Variants in MAGI2 observed in about 807,000 individuals in gnomAD.
MAGI2 encodes membrane-associated guanylate kinase, WW and PDZ domain-containing protein 2.
MAGI2 carries 35 observed loss-of-function variants against 133.3 expected under a neutral mutation model. That is an observed-to-expected ratio of 0.26 (90% confidence interval 0.20 to 0.35). The LOEUF (loss-of-function observed/expected upper bound fraction) is 0.35, where lower values mean the gene tolerates loss of function less well. Ranked by LOEUF, MAGI2 falls within the 10% of genes least tolerant of loss-of-function variation. The pLI is 1.00. For missense variants in MAGI2, 1,636 were observed against 1,863.4 expected (o/e 0.88, Z 2.25); for synonymous variants, 729 against 710.6 (o/e 1.03, Z -0.41).
At chr7:78,861,044 A>T (rs1794116552) in intron 2 of MAGI2, among the ~76,000 whole-genome samples, 1 of 152,184 alleles carries the variant, frequency 6.6e-6, no homozygotes, top group Admixed American at 6.5e-5. Context: ...CCTCCAAGCC[A>T]TGCATGGGAT....
intron 1 of MAGI2, among the ~76,000 whole-genome samples, chr7:79,344,965 A>G (rs138148628): frequency 1.3e-5 from 2 of 152,162 alleles, no homozygotes; most frequent in Non-Finnish European, 1.5e-5. Flanking sequence ...CTGGGTAACT[A>G]TGAGAGACAA....
At chr7:78,198,014 C>T (rs920047087) in intron 11 of MAGI2, among the ~76,000 whole-genome samples, 1 of 152,238 alleles carries the variant, frequency 6.6e-6, no homozygotes, top group African/African-American at 2.4e-5. Flanking sequence ...GGGATACTCA[C>T]TGTGTGCTCC....
rs560458894 is a variant in MAGI2, at chr7:79,253,129, A to C, written c.301+199891T>G. On this transcript the variant is annotated intron_variant, in intron 1 of 21. Transcript: ENST00000354212. ...TGTTGGAAGAATAAGTGAAGCATAC[A>C]ATTCGTACAAACTCCAGAAAGTGTC... Among the ~76,000 whole-genome samples, 7 of 152,346 alleles carry C rather than the reference A, an allele frequency of 4.6e-5. No individual in the cohort carries two copies. In the South Asian group the frequency reaches 1.2e-3, roughly 27 times the overall value.
intron 20 of MAGI2, among the ~76,000 whole-genome samples, chr7:78,108,701 C>T (rs976334976): frequency 2.5e-5 from 3 of 120,976 alleles, no homozygotes; most frequent in Non-Finnish European, 6.0e-5. Context: ...TATACACACA[C>T]ATATGTGAGT....
chr7:79,144,707 T>C (rs939525251), intron 1 of MAGI2, among the ~76,000 whole-genome samples: 8 of 152,202 alleles, frequency 5.3e-5, no homozygotes, highest in African/African-American at 1.9e-4. Flanking sequence ...GCATTATTAC[T>C]CTCATTTCCC....
At chr7:79,175,028 T>C (rs1253183235) in intron 1 of MAGI2, among the ~76,000 whole-genome samples, 3 of 151,860 alleles carry the variant, frequency 2.0e-5, no homozygotes, top group African/African-American at 7.3e-5. Flanking sequence ...TTGTCTGAAA[T>C]ATGCACCATA....
intron 2 of MAGI2, among the ~76,000 whole-genome samples, chr7:78,892,774 C>T (rs978919812): frequency 7.6e-4 from 116 of 152,164 alleles, no homozygotes; most frequent in African/African-American, 2.6e-3. Context: ...ACCATAAAAA[C>T]CCTAGAAGAA....
intron 2 of MAGI2, among the ~76,000 whole-genome samples, chr7:78,640,085 C>G (rs1003381383): frequency 6.6e-6 from 1 of 152,090 alleles, no homozygotes; most frequent in Non-Finnish European, 1.5e-5. Context: ...TGAAGGGCAG[C>G]AGGACTCAGT....
intron 1 of MAGI2, among the ~76,000 whole-genome samples, chr7:79,077,827 T>G (rs1417195109): frequency 6.6e-6 from 1 of 152,130 alleles, no homozygotes. Flanking sequence ...TAGTACACTA[T>G]AGTCTAATCA....
intron 2 of MAGI2, among the ~76,000 whole-genome samples, chr7:78,921,472 T>C (rs1176106979): frequency 6.6e-6 from 1 of 152,166 alleles, no homozygotes; most frequent in African/African-American, 2.4e-5. Context: ...CTTCTGTAGA[T>C]TGTGATATAA....
intron 1 of MAGI2, among the ~76,000 whole-genome samples, chr7:79,304,195 G>GTGTGTC (rs1554438887): frequency 9.5e-6 from 1 of 105,196 alleles, no homozygotes; most frequent in Non-Finnish European, 1.9e-5. Context: ...GTGTGTGTGT[G>GTGTGTC]TGTGTGTCTG....
intron 1 of MAGI2, among the ~76,000 whole-genome samples, chr7:79,349,530 A>C (rs1841553492): frequency 2.0e-5 from 3 of 151,686 alleles, no homozygotes; most frequent in African/African-American, 7.3e-5. Context: ...TCCCCACAAC[A>C]CTCTTTGTGG....
chr7:78,939,121 G>A (rs778828788), intron 2 of MAGI2, among the ~76,000 whole-genome samples: 2 of 151,888 alleles, frequency 1.3e-5, no homozygotes, highest in African/African-American at 4.8e-5. Context: ...GGCCTCCCAA[G>A]TAGCTGGAAC....
At chr7:78,656,864 G>C (rs983715882) in intron 2 of MAGI2, among the ~76,000 whole-genome samples, 15 of 151,770 alleles carry the variant, frequency 9.9e-5, no homozygotes, top group African/African-American at 3.6e-4. Flanking sequence ...ACTGTCAAGA[G>C]GATGAAAAGA....
chr7:78,773,382 C>T (rs2151324283), intron 2 of MAGI2, among the ~76,000 whole-genome samples: 1 of 152,112 alleles, frequency 6.6e-6, no homozygotes, highest in South Asian at 2.1e-4. Context: ...CTAACCCTAG[C>T]CAACTTTTCA....
At chr7:78,666,397 T>C (rs112531204) in intron 2 of MAGI2, among the ~76,000 whole-genome samples, 2,332 of 152,274 alleles carry the variant, frequency 0.015, 68 homozygotes, top group African/African-American at 0.053. Context: ...CATTGTATAG[T>C]TCATTGTATA....
At chr7:79,022,907 A>G (rs776401478) in intron 1 of MAGI2, among the ~76,000 whole-genome samples, 1 of 152,156 alleles carries the variant, frequency 6.6e-6, no homozygotes, top group Non-Finnish European at 1.5e-5. Flanking sequence ...GTTCACTGCC[A>G]AATTCTACCA....
chr7:78,361,564 A>T (rs943183990), intron 7 of MAGI2, among the ~76,000 whole-genome samples: 3 of 152,144 alleles, frequency 2.0e-5, no homozygotes, highest in Admixed American at 6.5e-5. Flanking sequence ...AATGTTTGAG[A>T]GTTATAAAAA....
intron 1 of MAGI2, among the ~76,000 whole-genome samples, chr7:79,316,672 G>A (rs1385959781): frequency 1.3e-5 from 2 of 152,078 alleles, no homozygotes; most frequent in Non-Finnish European, 2.9e-5. Flanking sequence ...CTAATTTTGA[G>A]ACTAATGTTG....
Sources: allele counts gnomAD v4.1 joint callset (sites outside exome capture counted in the v4.1 genomes callset), GRCh38; gene constraint gnomAD v4.1.1; transcripts MANE v1.5; gene names NCBI Gene and HGNC (gene_info 2026-07-23, HGNC 2026-07-21).